ARID1A: variants seen among roughly 807,000 people sequenced by gnomAD.
The protein encoded by ARID1A is AT-rich interactive domain-containing protein 1A.
In ARID1A, 20 loss-of-function variants were observed where a neutral mutation model predicts 212.6. The ratio of observed to expected loss-of-function variants is 0.09; its 90% CI spans 0.07 to 0.14. The LOEUF (loss-of-function observed/expected upper bound fraction) is 0.14, where lower values mean the gene tolerates loss of function less well. ARID1A is among the 10% of genes least tolerant of loss of function. The probability of loss-of-function intolerance (pLI) is 1.00; values close to 1 mark genes in which losing one functional copy is unlikely to be tolerated. For missense variants in ARID1A, 2,587 were observed against 3,059.0 expected (o/e 0.85, Z 3.64); for synonymous variants, 1,376 against 1,222.1 (o/e 1.13, Z -2.63).
chr1:26,779,616 G>C lies in ARID1A; in HGVS notation c.5718G>C (p.Arg1906=), dbSNP rs1322613369. ...CACCTGATGGACCTCCAGAAAAACGGATCACAGCCACTATGGATGACATGT... is the reference window on the plus strand; with the variant it reads ...CACCTGATGGACCTCCAGAAAAACGCATCACAGCCACTATGGATGACATGT... ...GPPPDGPPEK[R]ITATMDDMLS... Residue 1906 remains arginine (R), a synonymous_variant, in exon 20 of 20, where the codon CGG becomes CGC. Coordinates refer to ENST00000324856, the MANE Select transcript of ARID1A (RefSeq NM_006015.6). 1 of 1,614,088 alleles carries C rather than the reference G, an allele frequency of 6.2e-7. No individual in the cohort carries two copies.
intron 13 of ARID1A, 59 bp from the exon 14 acceptor site, chr1:26,772,753 T>C (rs2124106014): frequency 6.2e-7 from 1 of 1,606,252 alleles, no homozygotes. Context: ...CTGCGTGTCC[T>C]TTGTTATATT....
intron 1 of ARID1A, among the ~76,000 whole-genome samples, chr1:26,708,842 C>CCGCCACCA (rs1295771300): frequency 6.6e-6 from 1 of 151,748 alleles, no homozygotes; most frequent in Non-Finnish European, 1.5e-5. Flanking sequence ...CTACAGGTGC[C>CCGCCACCA]CGCCACCACG....
At chr1:26,744,455 A>C (rs1368379171) in intron 4 of ARID1A, among the ~76,000 whole-genome samples, 1 of 152,156 alleles carries the variant, frequency 6.6e-6, no homozygotes, top group Non-Finnish European at 1.5e-5. Context: ...ACTTAGTCCT[A>C]CAGAGGTCTG....
At chr1:26,756,591 C>T (rs1203341207) in intron 4 of ARID1A, among the ~76,000 whole-genome samples, 2 of 149,944 alleles carry the variant, frequency 1.3e-5, no homozygotes, top group Non-Finnish European at 1.5e-5. Context: ...AAAAAACACA[C>T]ACAAAAAAAA....
intron 1 of ARID1A, among the ~76,000 whole-genome samples, chr1:26,708,120 G>A (rs1242885227): frequency 6.6e-6 from 1 of 151,950 alleles, no homozygotes; most frequent in Non-Finnish European, 1.5e-5. Context: ...TCCGATGAAT[G>A]GCCATGGCAC....
chr1:26,697,432 AGCTGCGGCGGCGGCC>A lies in ARID1A; in HGVS notation c.1032_1046del (p.Ala345_Ala349del), dbSNP rs1570540855. 2 of 1,349,902 alleles carry A rather than the reference AGCTGCGGCGGCGGCC, an allele frequency of 1.5e-6. No individual in the cohort carries two copies. The highest frequency in any genetic ancestry group is 6.2e-5 in the East Asian group (2 of 32,512). The allele number at this position is 1,349,902 out of a possible 1,614,324, so 83.6% of individuals were successfully genotyped here. The stretch of plus-strand genomic sequence containing the variant: ...AGTGTTGGGGGGCTGCGGCGGCGGC[AGCTGCGGCGGCGGCC>A]GCCTCGGGAGGGGCCCAACAAAGGA... On this transcript the variant is annotated inframe_deletion, in exon 1 of 20. Transcript: ENST00000324856.
Position 26,773,635 on chromosome 1 carries a change from A to C in ARID1A, c.3922A>C (p.Asn1308His), listed in dbSNP as rs1158725246. 1.9e-6 allele frequency: 3 copies of C among 1,614,050 alleles called. No homozygotes were observed. Among genetic ancestry groups the C allele is most frequent in the Non-Finnish European group, 2.5e-6 (3 of 1,180,050 alleles). The change falls in exon 16 of 20, where the codon AAT becomes CAT. Residue 1308 changes from asparagine (N) to histidine (H), a missense_variant. Physicochemically the swap from Asn to His is moderately conservative, Grantham distance 68. Transcript: ENST00000324856. ...CATGAGCACTGGGGCCCCACAGCCG[A>C]ATCTCATGCCTTCCAACCCAGACTC... The part of the protein sequence containing the change: ...GNMSTGAPQP[N>H]LMPSNPDSGM...
chr1:26,748,425 ACT>A (rs1256229168), intron 4 of ARID1A, among the ~76,000 whole-genome samples: 2 of 152,088 alleles, frequency 1.3e-5, no homozygotes, highest in African/African-American at 2.4e-5. Flanking sequence ...AATAGAACAA[ACT>A]CTGTTTGGTT....
Position 26,781,041 on chromosome 1 carries a change from T to A in ARID1A, c.*285T>A, listed in dbSNP as rs2081189665. The A allele has an allele frequency of 2.8e-6, 1 of 354,524 alleles. No individual in the cohort carries two copies. The highest frequency in any genetic ancestry group is 5.1e-6 in the Non-Finnish European group (1 of 197,266). 22.0% of individuals were successfully genotyped at this position (354,524 alleles called of 1,614,324 possible). A position where few individuals can be genotyped will look rare whatever the true frequency, so the allele number is the denominator to read the frequency against. On this transcript the variant is annotated 3_prime_UTR_variant, in exon 20 of 20. Transcript: ENST00000324856. The stretch of plus-strand genomic sequence containing the variant: ...GCTCTGCCTACATAGAAGACTTTTT[T>A]TATTTTAACCAAAGTTACTGTTGTT...
At chr1:26,714,882 T>C (rs1269428107) in intron 1 of ARID1A, among the ~76,000 whole-genome samples, 3 of 152,246 alleles carry the variant, frequency 2.0e-5, no homozygotes, top group Non-Finnish European at 4.4e-5. Flanking sequence ...GCATTGCTGC[T>C]GCTTCTTGGT....
Position 26,696,541 on chromosome 1 carries a change from G to T in ARID1A, c.138G>T (p.Glu46Asp). The T allele has an allele frequency of 8.1e-7, 1 of 1,228,714 alleles. No homozygotes were observed. The highest frequency in any genetic ancestry group is 1.0e-6 in the Non-Finnish European group (1 of 988,642). 76.1% of individuals were successfully genotyped at this position (1,228,714 alleles called of 1,614,324 possible). The stretch of plus-strand genomic sequence containing the variant: ...AGGCGGCGGCGGCGGCAGCGGCCGA[G>T]CGCGGGGAAATGAAGGCAGCCGCCG... ...GGEAAAAAAAERGEMKAAAGQ... is the reference protein window; with the variant it reads ...GGEAAAAAAADRGEMKAAAGQ... Residue 46 changes from glutamate (E) to aspartate (D), a missense_variant, in exon 1 of 20, where the codon GAG becomes GAT. Glu to Asp is a conservative substitution (Grantham distance 45). This residue lies in a region of ARID1A where 735 missense variants were observed against 590.6 expected (regional missense o/e 1.24). Transcript: ENST00000324856.
intron 1 of ARID1A, among the ~76,000 whole-genome samples, chr1:26,703,476 T>G (rs2080357460): frequency 6.6e-6 from 1 of 152,170 alleles, no homozygotes; most frequent in Non-Finnish European, 1.5e-5. Flanking sequence ...TACACCAGAG[T>G]CCTGGAAGTG....
chr1:26,702,687 T>A (rs2080342723), intron 1 of ARID1A, among the ~76,000 whole-genome samples: 1 of 151,860 alleles, frequency 6.6e-6, no homozygotes, highest in South Asian at 2.1e-4. Context: ...GACTTGGGGA[T>A]AGGAAAAGGG....
rs933950957 is a variant in ARID1A, at chr1:26,757,691, G to A, written c.1921-3165G>A. Among the ~76,000 whole-genome samples, 9 of 150,860 alleles carry A rather than the reference G, an allele frequency of 6.0e-5. 1 individual carries two copies. In the South Asian group the frequency reaches 1.3e-3, roughly 21 times the overall value. On this transcript the variant is annotated intron_variant, in intron 4 of 19. Coordinates refer to ENST00000324856, the MANE Select transcript of ARID1A (RefSeq NM_006015.6). ...AAAACTTTTTTTTTTTTCTTGAGACGGAGTCTCACTCTGTCACCCAGGCTG... is the reference window on the plus strand; with the variant it reads ...AAAACTTTTTTTTTTTTCTTGAGACAGAGTCTCACTCTGTCACCCAGGCTG...
intron 1 of ARID1A, among the ~76,000 whole-genome samples, chr1:26,697,840 C>T (rs1444029686): frequency 2.2e-5 from 2 of 92,194 alleles, no homozygotes; most frequent in African/African-American, 8.4e-5. Flanking sequence ...GGGGAAGGGC[C>T]TGGCCGGGGG....
intron 1 of ARID1A, among the ~76,000 whole-genome samples, chr1:26,708,819 C>T (rs1322309065): frequency 3.3e-5 from 5 of 151,258 alleles, no homozygotes; most frequent in South Asian, 2.1e-4. Flanking sequence ...CTCAGCCTCC[C>T]GAGTAGCTGG....
chr1:26,766,810 T>C (rs1407914994), intron 10 of ARID1A, among the ~76,000 whole-genome samples: 4 of 152,158 alleles, frequency 2.6e-5, no homozygotes, highest in Non-Finnish European at 5.9e-5. Context: ...CTGTTTGTTA[T>C]GGGGGAAATG....
At chr1:26,778,851 G>T in intron 19 of ARID1A, 172 bp from the exon 20 acceptor site, 1 of 575,380 alleles carries the variant, frequency 1.7e-6, no homozygotes, top group East Asian at 2.9e-5. Flanking sequence ...ACTTTGTGTT[G>T]GGCATAGAAG....
intron 1 of ARID1A, among the ~76,000 whole-genome samples, chr1:26,703,062 G>A (rs955046592): frequency 6.6e-6 from 1 of 152,042 alleles, no homozygotes; most frequent in Non-Finnish European, 1.5e-5. Flanking sequence ...GTTGTGCTGG[G>A]GATTATAAGT....
Sources: allele counts gnomAD v4.1 joint callset (sites outside exome capture counted in the v4.1 genomes callset), GRCh38; gene constraint gnomAD v4.1.1; regional missense constraint gnomAD v4.1.1; transcripts MANE v1.5; gene names NCBI Gene and HGNC (gene_info 2026-07-23, HGNC 2026-07-21).